The following SCHIP1 variants were observed in gnomAD, a reference collection of about 807,000 sequenced individuals.
The protein encoded by SCHIP1 is schwannomin interacting protein 1, also known as schwannomin-interacting protein 1.
SCHIP1 carries 8 observed loss-of-function variants against 29.7 expected under a neutral mutation model. That is an observed-to-expected ratio of 0.27 (90% CI 0.16 to 0.49). The LOEUF (loss-of-function observed/expected upper bound fraction) is 0.49, where lower values mean the gene tolerates loss of function less well. SCHIP1 is among the 20% of genes least tolerant of loss of function. The probability of loss-of-function intolerance (pLI) is 0.99; values close to 1 mark genes in which losing one functional copy is unlikely to be tolerated. For synonymous variants in SCHIP1, 76 were observed against 94.9 expected (o/e 0.80, Z 1.16); for missense variants, 193 against 294.6 (o/e 0.66, Z 2.52).
the SCHIP1 span, among the ~76,000 whole-genome samples, chr3:159,700,542 G>A: frequency 6.6e-6 from 1 of 152,142 alleles, no homozygotes; most frequent in African/African-American, 2.4e-5. Flanking sequence ...AGTTTGGGCT[G>A]GGCATGGTGG....
chr3:159,776,121 A>T, the SCHIP1 span, among the ~76,000 whole-genome samples: 1 of 152,162 alleles, frequency 6.6e-6, no homozygotes, highest in Non-Finnish European at 1.5e-5. Context: ...CTAAATGCTA[A>T]TCTACACTCA....
chr3:159,680,606 TTA>T, the SCHIP1 span, among the ~76,000 whole-genome samples: 2 of 98,638 alleles, frequency 2.0e-5, no homozygotes, highest in South Asian at 2.5e-4. Context: ...ATAATATATA[TTA>T]TATATGTATA....
the SCHIP1 span, among the ~76,000 whole-genome samples, chr3:159,481,529 G>T: frequency 6.6e-6 from 1 of 152,036 alleles, no homozygotes; most frequent in Non-Finnish European, 1.5e-5. Flanking sequence ...AAAAAAAGTT[G>T]TTTATGGGAA....
intron 3 of SCHIP1, 174 bp downstream of exon 4, chr3:159,886,498 A>C (rs2109437530): frequency 1.7e-6 from 1 of 577,114 alleles, no homozygotes; most frequent in East Asian, 2.9e-5. Flanking sequence ...AGTTGTAATA[A>C]AATAGAGATA....
At chr3:159,306,626 T>C in the SCHIP1 span, 1 of 792,276 alleles carries the variant, frequency 1.3e-6, no homozygotes, top group Non-Finnish European at 1.5e-6. Flanking sequence ...ACTTTAGCCT[T>C]CTTTATTTCT....
the SCHIP1 span, among the ~76,000 whole-genome samples, chr3:159,581,971 C>T: frequency 0.018 from 2,684 of 152,174 alleles, 101 homozygotes; most frequent in African/African-American, 0.062. Context: ...ACGAAATCTT[C>T]ACAATTGGAG....
At chr3:159,420,173 C>G in the SCHIP1 span, among the ~76,000 whole-genome samples, 29,339 of 152,038 alleles carry the variant, frequency 0.19, 2,945 homozygotes, top group Middle Eastern at 0.29. Flanking sequence ...GTGGCTGATG[C>G]CAGGCAATAG....
At chr3:159,580,366 C>G in the SCHIP1 span, among the ~76,000 whole-genome samples, 1 of 152,198 alleles carries the variant, frequency 6.6e-6, no homozygotes, top group Non-Finnish European at 1.5e-5. Flanking sequence ...CAGGGCCTCA[C>G]ACTTTGGTTA....
the SCHIP1 span, among the ~76,000 whole-genome samples, chr3:159,315,360 G>A: frequency 4.7e-5 from 7 of 149,142 alleles, no homozygotes; most frequent in South Asian, 4.3e-4. Context: ...CACTATGCCC[G>A]GCTAATTTTT....
At chr3:159,390,529 GA>G in the SCHIP1 span, among the ~76,000 whole-genome samples, 6 of 151,762 alleles carry the variant, frequency 4.0e-5, no homozygotes, top group Non-Finnish European at 5.9e-5. Flanking sequence ...TTATGGACAC[GA>G]AAAAAATTGA....
At chr3:159,512,055 A>T in the SCHIP1 span, among the ~76,000 whole-genome samples, 2 of 152,218 alleles carry the variant, frequency 1.3e-5, no homozygotes, top group African/African-American at 4.8e-5. Context: ...ATGAAAATGT[A>T]AGCAACATAT....
the SCHIP1 span, among the ~76,000 whole-genome samples, chr3:159,416,884 T>G: frequency 1.1e-4 from 16 of 152,200 alleles, no homozygotes; most frequent in Non-Finnish European, 1.9e-4. Context: ...ATGATCTGTT[T>G]GTGTGTGGTT....
chr3:159,862,193 A>G (rs1714131940), intron 1 of SCHIP1, among the ~76,000 whole-genome samples: 1 of 152,110 alleles, frequency 6.6e-6, no homozygotes, highest in African/African-American at 2.4e-5. Flanking sequence ...GAAGAAGTAG[A>G]CCCATAAGTC....
chr3:159,545,606 A>G, the SCHIP1 span, among the ~76,000 whole-genome samples: 49 of 142,890 alleles, frequency 3.4e-4, no homozygotes, highest in African/African-American at 1.1e-3. Context: ...GTGTGTGTGT[A>G]TATACATATA....
At chr3:159,509,634 C>G in the SCHIP1 span, among the ~76,000 whole-genome samples, 1 of 152,288 alleles carries the variant, frequency 6.6e-6, no homozygotes, top group South Asian at 2.1e-4. Flanking sequence ...TTTAGTACTT[C>G]CTTCAGGAGC....
the SCHIP1 span, among the ~76,000 whole-genome samples, chr3:159,573,604 G>A: frequency 1.8e-4 from 28 of 152,144 alleles, no homozygotes; most frequent in Non-Finnish European, 2.9e-4. Flanking sequence ...TGCTCTTCTC[G>A]AGGAATATCT....
At chr3:159,860,510 G>A (rs767189562) in intron 1 of SCHIP1, among the ~76,000 whole-genome samples, 16 of 152,202 alleles carry the variant, frequency 1.1e-4, no homozygotes, top group African/African-American at 3.1e-4. Flanking sequence ...GTGAAAAAGA[G>A]GATGCTAGAC....
chr3:159,557,858 G>T, the SCHIP1 span, among the ~76,000 whole-genome samples: 35 of 152,310 alleles, frequency 2.3e-4, 1 homozygote, highest in African/African-American at 8.2e-4. Flanking sequence ...CTCAAAACAA[G>T]ATTAAAATCA....
chr3:159,283,617 T>C, the SCHIP1 span, among the ~76,000 whole-genome samples: 1 of 152,220 alleles, frequency 6.6e-6, no homozygotes, highest in African/African-American at 2.4e-5. Flanking sequence ...TCCTTCCTTT[T>C]GTTCCACCTC....
Sources: gnomAD v4.1 joint callset for allele counts (sites outside exome capture counted in the v4.1 genomes callset) on GRCh38, gnomAD v4.1.1 for gene constraint, MANE v1.5 for transcripts, NCBI Gene and HGNC (gene_info 2026-07-23, HGNC 2026-07-21) for gene names.